DNHD1: variants seen among roughly 807,000 people sequenced by gnomAD.
DNHD1 encodes dynein heavy chain domain-containing protein 1.
In DNHD1, 383 loss-of-function variants were observed where a neutral mutation model predicts 458.1. The ratio of observed to expected loss-of-function variants is 0.84; its 90% CI spans 0.77 to 0.91. The LOEUF (loss-of-function observed/expected upper bound fraction) is 0.91, where lower values mean the gene tolerates loss of function less well. DNHD1 is among the 40% of genes least tolerant of loss of function. The pLI is 0.00. For missense variants in DNHD1, 5,336 were observed against 5,866.1 expected (o/e 0.91, Z 2.95); for synonymous variants, 2,203 against 2,376.9 (o/e 0.93, Z 2.13).
Position 6,564,129 on chromosome 11 carries a change from C to A in DNHD1, c.10284+5C>A. On this transcript the variant is annotated splice_donor_5th_base_variant and intron_variant, in intron 31 of 42. Transcript: ENST00000254579. ...GCCTGGACTACACAGCTCCAGGTAA[C>A]CATCCCCCTCCCAGATGTCTCCCCC... is the stretch of plus-strand genomic sequence containing the variant. 6.5e-7 allele frequency: 1 copy of A among 1,546,198 alleles called. No homozygotes were observed. Among genetic ancestry groups the A allele is most frequent in the Non-Finnish European group, 8.7e-7 (1 of 1,143,036 alleles).
Position 6,548,024 on chromosome 11 carries a change from G to A in DNHD1, c.6889G>A (p.Ala2297Thr), listed in dbSNP as rs1351769301. ...TTTTGCCTTGATCTGGGGCTTTGGA[G>A]CCCACCTTCCCTCCAGGTACCTACC... The part of the protein sequence containing the change: ...FLFALIWGFG[A>T]HLPSRFWPIF... The change falls in exon 22 of 43, where the codon GCC becomes ACC. Residue 2297 changes from alanine (A) to threonine (T), a missense_variant. Physicochemically the swap from Ala to Thr is moderately conservative, Grantham distance 58 (BLOSUM62 0). Transcript: ENST00000254579. The surrounding 1 kb of genome is among the most constrained non-coding windows in gnomAD (Gnocchi z 4.4). The A allele has an allele frequency of 6.4e-7, 1 of 1,551,600 alleles. No homozygotes were observed. The highest frequency in any genetic ancestry group is 8.7e-7 in the Non-Finnish European group (1 of 1,147,018).
At chr11:6,504,294 T>C (rs1243106877) in intron 4 of DNHD1, 1 of 152,264 alleles carries the variant, frequency 6.6e-6, no homozygotes, top group Admixed American at 6.5e-5. Context: ...GCAAACTTTT[T>C]CTCTTTTTTC....
intron 18 of DNHD1, among the ~76,000 whole-genome samples, chr11:6,543,520 C>T (rs1295203181): frequency 6.8e-6 from 1 of 147,304 alleles, no homozygotes; most frequent in African/African-American, 2.5e-5. Context: ...CATGGAGTTA[C>T]GTGGATACTC....
intron 10 of DNHD1, among the ~76,000 whole-genome samples, chr11:6,524,434 A>G (rs946931319): frequency 6.6e-6 from 1 of 151,870 alleles, no homozygotes; most frequent in African/African-American, 2.4e-5. Context: ...CTTCCTTTGG[A>G]CTTTCTGTTC....
In DNHD1 at chr11:6,563,539, T is replaced by G. The variant is rs1554890538; in HGVS notation, c.9827T>G (p.Leu3276Arg). ...ACAGGCTGGGCCAGTGCCAAACAGC[T>G]GTTATGCACTGAGGATTTTTATCAG... ...HETGWASAKQ[L>R]LCTEDFYQEL... The change falls in exon 30 of 43, where the codon CTG (leucine) becomes CGG (arginine). Residue 3276 changes from leucine (L) to arginine (R), a missense_variant. Leu to Arg is a moderately radical substitution (Grantham distance 102). This residue lies in a region of DNHD1 where 3,932 missense variants were observed against 4,365.6 expected (regional missense o/e 0.90). Coordinates refer to ENST00000254579, the MANE Select transcript of DNHD1 (RefSeq NM_144666.3). 1.9e-6 allele frequency: 3 copies of G among 1,551,632 alleles called. No individual in the cohort carries two copies. The highest frequency in any genetic ancestry group is 2.4e-5 in the South Asian group (2 of 84,064).
chr11:6,521,833 C>T (rs1852611044), intron 10 of DNHD1, among the ~76,000 whole-genome samples: 1 of 152,170 alleles, frequency 6.6e-6, no homozygotes, highest in Non-Finnish European at 1.5e-5. Flanking sequence ...CTTTTCGCCT[C>T]AGCCTCCCAA....
intron 32 of DNHD1, among the ~76,000 whole-genome samples, chr11:6,565,451 C>T (rs1003826012): frequency 1.3e-5 from 2 of 152,194 alleles, no homozygotes; most frequent in Non-Finnish European, 2.9e-5. Context: ...GTGCTCACTA[C>T]GTGCACATCT....
Position 6,571,919 on chromosome 11 carries a change from C to G in DNHD1, c.14195C>G (p.Pro4732Arg), listed in dbSNP as rs376636060. The G allele has an allele frequency of 5.6e-6, 9 of 1,613,858 alleles. No individual in the cohort carries two copies. In the African/African-American group the frequency reaches 1.1e-4, roughly 19 times the overall value. Residue 4732 changes from proline to arginine, a missense_variant, in exon 43 of 43, where the codon CCC becomes CGC. This residue lies in a region of DNHD1 where 698 missense variants were observed against 664.9 expected (regional missense o/e 1.05). Transcript: ENST00000254579. This position sits in a 1 kb window ranked among gnomAD's most constrained non-coding sequence, Gnocchi z 5.0. The part of the protein sequence containing the change: ...SRNIVMHLPL[P>R]TKLTPNTCVQ... ...AACATCGTGATGCATCTGCCTTTACCCACCAAGCTCACCCCCAACACCTGT... is the reference window on the plus strand; with the variant it reads ...AACATCGTGATGCATCTGCCTTTACGCACCAAGCTCACCCCCAACACCTGT...
chr11:6,557,878 C>T lies in DNHD1; in HGVS notation c.8583C>T (p.His2861=), dbSNP rs1189103595. The T allele has an allele frequency of 1.2e-5, 18 of 1,550,992 alleles. No individual in the cohort carries two copies. Among genetic ancestry groups the T allele is most frequent in the Non-Finnish European group, 1.5e-5 (17 of 1,146,984 alleles). ...CTGCTCAACTGAAGTTGAGCCCCCA[C>T]CTGGCCCGGTGTCATTCCATGGCCC... ...TSAAQLKLSP[H]LARCHSMAQH... The change falls in exon 25 of 43, where the codon CAC becomes CAT. Residue 2861 remains histidine (H), a synonymous_variant. Coordinates refer to ENST00000254579, the MANE Select transcript of DNHD1 (RefSeq NM_144666.3).
At chr11:6,522,031 G>A (rs1286975067) in intron 10 of DNHD1, among the ~76,000 whole-genome samples, 1 of 152,116 alleles carries the variant, frequency 6.6e-6, no homozygotes, top group Admixed American at 6.5e-5. Context: ...CTGAAGTTCT[G>A]TTGTCCTTAA....
chr11:6,515,984 T>C (rs1852455670), intron 7 of DNHD1, among the ~76,000 whole-genome samples: 2 of 151,844 alleles, frequency 1.3e-5, no homozygotes, highest in African/African-American at 4.8e-5. Flanking sequence ...GGCAGGGTTT[T>C]ACCATGTTGT....
intron 10 of DNHD1, among the ~76,000 whole-genome samples, chr11:6,527,564 T>C (rs942084596): frequency 1.3e-5 from 2 of 152,192 alleles, no homozygotes; most frequent in African/African-American, 4.8e-5. Context: ...AAATTTGAGG[T>C]GCATGTTAGA....
At chr11:6,533,248 C>T in intron 13 of DNHD1, 64 bp downstream of exon 13, 1 of 1,486,942 alleles carries the variant, frequency 6.7e-7, no homozygotes. Flanking sequence ...AAGCTCAGCA[C>T]ACTCTCTTCA....
At position 6,498,732 on chromosome 11, in the gene DNHD1, AGCAG is replaced by A. The variant is rs756886777; in HGVS notation, c.522_525del (p.Arg174SerfsTer3). ...TTGCCCTTTTGTGCAGGCCCAGTGG[AGCAG>A]GCAGCAAGTAAAGGAGGAGCTGGCC... On this transcript the variant is annotated frameshift_variant, in exon 3 of 43. Coordinates refer to ENST00000254579, the MANE Select transcript of DNHD1 (RefSeq NM_144666.3). LOFTEE classifies it high-confidence loss of function. The A allele has an allele frequency of 7.4e-6, 12 of 1,614,052 alleles. No individual in the cohort carries two copies. The East Asian group carries it at 2.5e-4, about 33-fold the overall frequency.
At chr11:6,512,143 C>G (rs952267905) in intron 7 of DNHD1, among the ~76,000 whole-genome samples, 5 of 150,898 alleles carry the variant, frequency 3.3e-5, no homozygotes, top group Admixed American at 6.6e-5. Context: ...GGAGGTTAAT[C>G]ACAAAGGACA....
At chr11:6,555,864 A>T (rs1177971617) in intron 24 of DNHD1, among the ~76,000 whole-genome samples, 1 of 152,214 alleles carries the variant, frequency 6.6e-6, no homozygotes, top group African/African-American at 2.4e-5. Flanking sequence ...TGTTCTAAAT[A>T]TCATTGGGGT....
intron 14 of DNHD1, 33 bp from the exon 15 acceptor site, chr11:6,538,350 T>C: frequency 1.3e-6 from 2 of 1,550,956 alleles, no homozygotes; most frequent in Non-Finnish European, 1.7e-6. Flanking sequence ...ACACTGCAAG[T>C]AGCCCAGGTC....
At chr11:6,564,246 CACCCCACCTTGCCCTCCCTCTGCCAT>C in intron 31 of DNHD1, 61 bp from the exon 32 acceptor site, 1 of 1,451,862 alleles carries the variant, frequency 6.9e-7, no homozygotes, top group Non-Finnish European at 9.3e-7. Flanking sequence ...CTTTCCTCCA[CACCCCACCTTGCCCTCCCTCTGCCAT>C]ATCTCTGCCT....
chr11:6,556,965 G>A lies in DNHD1; in HGVS notation c.7670G>A (p.Arg2557His), dbSNP rs771548082. The change falls in exon 25 of 43, where the codon CGT (arginine) becomes CAT (histidine). Residue 2557 changes from arginine to histidine, a missense_variant. By Grantham distance (29) the Arg-to-His change is conservative (BLOSUM62 0). Coordinates refer to ENST00000254579, the MANE Select transcript of DNHD1 (RefSeq NM_144666.3). ...LERFPSVERE[R>H]ALARGLVRAS... Reference sequence around the variant, plus strand: ...CGTTTCCCTTCTGTGGAACGGGAGCGTGCTCTGGCACGAGGTCTGGTTAGG... The same window carrying A: ...CGTTTCCCTTCTGTGGAACGGGAGCATGCTCTGGCACGAGGTCTGGTTAGG... 5.2e-5 allele frequency: 81 copies of A among 1,551,690 alleles called. No homozygotes were observed. Among genetic ancestry groups the A allele is most frequent in the Middle Eastern group, 1.7e-4 (1 of 5,992 alleles).
Sources: allele counts gnomAD v4.1 joint callset (sites outside exome capture counted in the v4.1 genomes callset), GRCh38; gene constraint gnomAD v4.1.1; regional missense constraint gnomAD v4.1.1; non-coding constraint Gnocchi (gnomAD v3.1); transcripts MANE v1.5; gene names NCBI Gene and HGNC (gene_info 2026-07-23, HGNC 2026-07-21).